The following TMEM252 variants were observed in gnomAD, a reference collection of about 807,000 sequenced individuals.
TMEM252 encodes the protein transmembrane protein C9orf71.
A neutral mutation model predicts 6.4 loss-of-function variants in TMEM252; 4 were observed. The ratio of observed to expected loss-of-function variants is 0.62; its 90% confidence interval spans 0.31 to 1.43. TMEM252 has a LOEUF of 1.43. Ranked by LOEUF, TMEM252 falls within the 40% of genes most tolerant of loss-of-function variation. The pLI is 0.07. For synonymous variants in TMEM252, 85 were observed against 82.5 expected (o/e 1.03, Z -0.17); for missense variants, 207 against 209.4 (o/e 0.99, Z 0.07).
intron 1 of TMEM252, among the ~76,000 whole-genome samples, chr9:68,538,912 G>C (rs1402338803): frequency 6.6e-6 from 1 of 152,180 alleles, no homozygotes; most frequent in Non-Finnish European, 1.5e-5. Flanking sequence ...TCACACTCTA[G>C]AGGTAGTCCT....
rs747748403 is a variant in TMEM252, at chr9:68,540,713, G to A, written c.102C>T (p.Phe34=). Residue 34 remains phenylalanine (F), a synonymous_variant, in exon 1 of 2, where the codon TTC becomes TTT. Coordinates refer to ENST00000377311, the MANE Select transcript of TMEM252 (RefSeq NM_153237.2). ...CCGCAATCAGGCTCCCCTGACAGTC[G>A]AATATGGAGCCCCAGGAAATGAAGA... The part of the protein sequence containing the change: ...GAFFISWGSI[F]DCQGSLIAAY... The A allele has an allele frequency of 3.8e-5, 62 of 1,613,988 alleles. No homozygotes were observed. Among genetic ancestry groups the A allele is most frequent in the East Asian group, 8.9e-5 (4 of 44,878 alleles).
Position 68,540,535 on chromosome 9 carries a change from A to T in TMEM252, c.278+2T>A. Reference sequence around the variant, plus strand: ...TTGGTCCCTCTGCCTGTCAGCACGTACCTGTCTACTGTGGCCACGGGCAGG... The same window carrying T: ...TTGGTCCCTCTGCCTGTCAGCACGTTCCTGTCTACTGTGGCCACGGGCAGG... On this transcript the variant is annotated splice_donor_variant, in intron 1 of 1. Coordinates refer to ENST00000377311, the MANE Select transcript of TMEM252 (RefSeq NM_153237.2). LOFTEE classifies it high-confidence loss of function. The T allele has an allele frequency of 6.2e-7, 1 of 1,613,594 alleles. No individual in the cohort carries two copies. The highest frequency in any genetic ancestry group is 8.5e-7 in the Non-Finnish European group (1 of 1,179,692).
intron 1 of TMEM252, among the ~76,000 whole-genome samples, chr9:68,540,281 T>C (rs769947513): frequency 6.6e-6 from 1 of 152,154 alleles, no homozygotes; most frequent in African/African-American, 2.4e-5. Context: ...CTAAATTGGC[T>C]TAGGTGGGTT....
rs1825145833 is a variant in TMEM252 at position 68,536,872 on chromosome 9, G to A, written c.*387C>T. 1.0e-5 allele frequency: 2 copies of A among 199,822 alleles called. No individual in the cohort carries two copies. The highest frequency in any genetic ancestry group is 3.4e-4 in the East Asian group (2 of 5,924). The allele number at this position is 199,822 out of a possible 1,614,324, so 12.4% of individuals were successfully genotyped here. On this transcript the variant is annotated 3_prime_UTR_variant, in exon 2 of 2. Transcript: ENST00000377311. Reference sequence around the variant, plus strand: ...TTACTAGGTGATATAGAACAGGAAGGCATGTGGCTGTCCTGACAACCAGCA... The same window carrying A: ...TTACTAGGTGATATAGAACAGGAAGACATGTGGCTGTCCTGACAACCAGCA...
In TMEM252 at chr9:68,540,608, G is replaced by A. The variant is rs768001131; in HGVS notation, c.207C>T (p.Ser69=). ...FWSNYRQVTE[S]KGVLRHMLRQ... is the part of the protein sequence containing the mutation. Reference sequence around the variant, plus strand: ...GGAGCATGTGCCTCAACACTCCTTTGCTTTCAGTCACCTGGCGATAGTTGC... The same window carrying A: ...GGAGCATGTGCCTCAACACTCCTTTACTTTCAGTCACCTGGCGATAGTTGC... Residue 69 remains serine, a synonymous_variant, in exon 1 of 2, where the codon AGC becomes AGT. Transcript: ENST00000377311. 3 of 1,614,194 alleles carry A rather than the reference G, an allele frequency of 1.9e-6. No individual in the cohort carries two copies. Among genetic ancestry groups the A allele is most frequent in the South Asian group, 2.2e-5 (2 of 91,086 alleles).
Position 68,540,647 on chromosome 9 carries a change from A to T in TMEM252, c.168T>A (p.Ser56Arg). ...LLPLGFVILL[S>R]GIFWSNYRQV... is the part of the protein sequence containing the mutation. Reference sequence around the variant, plus strand: ...GGCGATAGTTGCTCCAGAAAATTCCACTCAGAAGGATCACAAACCCCAGAG... The same window carrying T: ...GGCGATAGTTGCTCCAGAAAATTCCTCTCAGAAGGATCACAAACCCCAGAG... The change falls in exon 1 of 2, where the codon AGT becomes AGA. Residue 56 changes from serine (S) to arginine (R), a missense_variant. Transcript: ENST00000377311. 1.9e-6 allele frequency: 3 copies of T among 1,613,934 alleles called. No homozygotes were observed. The highest frequency in any genetic ancestry group is 2.5e-6 in the Non-Finnish European group (3 of 1,179,974).
chr9:68,540,387 A>G (rs1030117228), intron 1 of TMEM252, 150 bp downstream of exon 1: 1 of 1,167,768 alleles, frequency 8.6e-7, no homozygotes, highest in African/African-American at 1.5e-5. Flanking sequence ...TAACAACCCC[A>G]GAGTAATTCC....
rs1229657738 is a variant in TMEM252 at position 68,540,583 on chromosome 9, G to A, written c.232C>T (p.Arg78Ter). Residue 78 changes from arginine (R) to a stop codon, truncating the protein, a stop_gained, in exon 1 of 2, where the codon CGA (arginine) becomes TGA (stop). Coordinates refer to ENST00000377311, the MANE Select transcript of TMEM252 (RefSeq NM_153237.2). LOFTEE classifies it low-confidence loss of function (END_TRUNC). ...ESKGVLRHMLRQHLAHGALPV... is the reference protein window; with the variant it reads ...ESKGVLRHML ...AGGGCCCCATGAGCAAGGTGTTGTC[G>A]GAGCATGTGCCTCAACACTCCTTTG... 10 of 1,614,140 alleles carry A rather than the reference G, an allele frequency of 6.2e-6. No individual in the cohort carries two copies. Among genetic ancestry groups the A allele is most frequent in the South Asian group, 4.4e-5 (4 of 91,078 alleles).
In TMEM252 at chr9:68,537,343, G is replaced by A; in HGVS notation, c.429C>T (p.Ala143=). ...CTATGGACTCTCTATAAGATGGTGG[G>A]GCCTCTGGGTGGGAGTCATTTCCAT... is the stretch of plus-strand genomic sequence containing the variant. ...FQDGNDSHPE[A]PPSYRESIAG... Residue 143 remains alanine (A), a synonymous_variant, in exon 2 of 2, where the codon GCC becomes GCT. Coordinates refer to ENST00000377311, the MANE Select transcript of TMEM252 (RefSeq NM_153237.2). 5 of 1,604,948 alleles carry A rather than the reference G, an allele frequency of 3.1e-6. No individual in the cohort carries two copies. The highest frequency in any genetic ancestry group is 3.4e-6 in the Non-Finnish European group (4 of 1,177,430).
At chr9:68,539,046 GT>G (rs1247636049) in intron 1 of TMEM252, among the ~76,000 whole-genome samples, 1 of 152,080 alleles carries the variant, frequency 6.6e-6, no homozygotes, top group Non-Finnish European at 1.5e-5. Flanking sequence ...ATAAGTTTTG[GT>G]TTTCATAATT....
At position 68,540,774 on chromosome 9, in the gene TMEM252, A is replaced by G. The variant is rs767795817; in HGVS notation, c.41T>C (p.Leu14Pro). 3.0e-5 allele frequency: 48 copies of G among 1,614,028 alleles called. No homozygotes were observed. In the African/African-American group the frequency reaches 6.0e-4, roughly 20 times the overall value. Residue 14 changes from leucine (L) to proline (P), a missense_variant, in exon 1 of 2, where the codon CTC becomes CCC. Transcript: ENST00000377311. ...RTGLILCALA[L>P]LMGFLMVCLG... ...GCAGACCATCAGGAAACCCATCAGG[A>G]GGGCAAGAGCACAGAGAATGAGGCC...
intron 1 of TMEM252, 77 bp downstream of exon 1, chr9:68,540,460 G>T: frequency 1.3e-6 from 2 of 1,574,834 alleles, no homozygotes; most frequent in South Asian, 1.2e-5. Flanking sequence ...CTCCATAGTA[G>T]GATCAGAAAT....
intron 1 of TMEM252, 23 bp from the exon 2 acceptor site, chr9:68,537,516 C>T (rs775172255): frequency 1.9e-6 from 3 of 1,579,142 alleles, no homozygotes; most frequent in South Asian, 1.2e-5. Flanking sequence ...ACAGCATAAA[C>T]ATGCGTGCGT....
intron 1 of TMEM252, among the ~76,000 whole-genome samples, 157 bp downstream of exon 1, chr9:68,540,377 TAAC>T (rs971882738): frequency 2.6e-5 from 4 of 152,178 alleles, no homozygotes; most frequent in Admixed American, 6.5e-5. Context: ...CTCTTCCTAA[TAAC>T]AACCCCAGAG....
chr9:68,540,476 A>G, intron 1 of TMEM252, 61 bp downstream of exon 1: 1 of 1,594,750 alleles, frequency 6.3e-7, no homozygotes, highest in Middle Eastern at 2.2e-4. Flanking sequence ...GAAATTACTC[A>G]GATCTTACAC....
At position 68,536,894 on chromosome 9, in the gene TMEM252, A is replaced by AG. The variant is rs1825146165; in HGVS notation, c.*364dup. On this transcript the variant is annotated 3_prime_UTR_variant, in exon 2 of 2. Coordinates refer to ENST00000377311, the MANE Select transcript of TMEM252 (RefSeq NM_153237.2). ...AAGGCATGTGGCTGTCCTGACAACC[A>AG]GCATCTATTCCTCCCTGGCTGGAGT... The AG allele has an allele frequency of 4.7e-6, 1 of 214,340 alleles. No homozygotes were observed. Among genetic ancestry groups the AG allele is most frequent in the African/African-American group, 2.4e-5 (1 of 42,548 alleles). The allele number at this position is 214,340 out of a possible 1,614,324, so 13.3% of individuals were successfully genotyped here. A position where few individuals can be genotyped will look rare whatever the true frequency, so the allele number is the denominator to read the frequency against.
chr9:68,537,239 G>C lies in TMEM252; in HGVS notation c.*20C>G, dbSNP rs1825150516. On this transcript the variant is annotated 3_prime_UTR_variant, in exon 2 of 2. Coordinates refer to ENST00000377311, the MANE Select transcript of TMEM252 (RefSeq NM_153237.2). ...TCCCCACAGTGGTGGCATCATGAGT[G>C]CTGGAGAGCTTTCTCTGCCTCAGCA... The C allele has an allele frequency of 6.3e-7, 1 of 1,595,364 alleles. No individual in the cohort carries two copies. The highest frequency in any genetic ancestry group is 2.3e-5 in the East Asian group (1 of 44,078).
Position 68,537,031 on chromosome 9 carries a change from T to A in TMEM252, c.*228A>T. Reference sequence around the variant, plus strand: ...CAGCCGGGGTTAAGATTAGTGTGAATGCTCTGAAATGTCTGCTTGGTGTTG... The same window carrying A: ...CAGCCGGGGTTAAGATTAGTGTGAAAGCTCTGAAATGTCTGCTTGGTGTTG... On this transcript the variant is annotated 3_prime_UTR_variant, in exon 2 of 2. Transcript: ENST00000377311. The A allele has an allele frequency of 2.1e-6, 1 of 487,052 alleles. No homozygotes were observed. Among genetic ancestry groups the A allele is most frequent in the Non-Finnish European group, 3.6e-6 (1 of 279,266 alleles). The allele number at this position is 487,052 out of a possible 1,614,324, so 30.2% of individuals were successfully genotyped here. A position where few individuals can be genotyped will look rare whatever the true frequency, so the allele number is the denominator to read the frequency against.
Position 68,540,543 on chromosome 9 carries a change from A to G in TMEM252, c.272T>C (p.Val91Ala). The change falls in exon 1 of 2, where the codon GTA becomes GCA. Residue 91 changes from valine (V) to alanine (A), a missense_variant. Coordinates refer to ENST00000377311, the MANE Select transcript of TMEM252 (RefSeq NM_153237.2). ...TCTGCCTGTCAGCACGTACCTGTCT[A>G]CTGTGGCCACGGGCAGGGCCCCATG... is the stretch of plus-strand genomic sequence containing the variant. ...LAHGALPVAT[V>A]DRPDFYPPAY... 1 of 1,613,984 alleles carries G rather than the reference A, an allele frequency of 6.2e-7. No individual in the cohort carries two copies. The highest frequency in any genetic ancestry group is 8.5e-7 in the Non-Finnish European group (1 of 1,179,936).
Sources: allele counts gnomAD v4.1 joint callset (sites outside exome capture counted in the v4.1 genomes callset), GRCh38; gene constraint gnomAD v4.1.1; transcripts MANE v1.5; gene names NCBI Gene and HGNC (gene_info 2026-07-23, HGNC 2026-07-21).